USP4: variants seen among roughly 807,000 people sequenced by gnomAD.
USP4 encodes the protein ubiquitin specific peptidase 4.
In USP4, 72 loss-of-function variants were observed where a neutral mutation model predicts 118.2. The ratio of observed to expected loss-of-function variants is 0.61; its 90% confidence interval spans 0.50 to 0.74. USP4 has a LOEUF of 0.74. USP4 is among the 30% of genes least tolerant of loss of function. The pLI, the probability that USP4 is intolerant of heterozygous loss-of-function variation, is 0.00. For missense variants in USP4, 1,037 were observed against 1,185.7 expected (o/e 0.87, Z 1.84); for synonymous variants, 415 against 440.4 (o/e 0.94, Z 0.72).
At chr3:49,286,009 G>A (rs1174071003) in intron 16 of USP4, 89 bp downstream of exon 16, 13 of 1,257,662 alleles carry the variant, frequency 1.0e-5, no homozygotes, top group Admixed American at 1.9e-5. Context: ...GACTGTGAAA[G>A]CCCAATGCAG....
intron 4 of USP4, 57 bp from the exon 5 acceptor site, chr3:49,325,096 G>C (rs2047538679): frequency 2.5e-6 from 4 of 1,582,528 alleles, no homozygotes; most frequent in Non-Finnish European, 3.4e-6. Flanking sequence ...GCTAAAGACA[G>C]CCATGGCAAA....
chr3:49,325,340 C>A (rs987376325), intron 4 of USP4, among the ~76,000 whole-genome samples: 3 of 151,950 alleles, frequency 2.0e-5, no homozygotes, highest in Non-Finnish European at 4.4e-5. Context: ...GCTAGCTCCA[C>A]CATTTTCTGG....
At chr3:49,301,437 C>T (rs1224776696) in intron 10 of USP4, among the ~76,000 whole-genome samples, 1 of 152,060 alleles carries the variant, frequency 6.6e-6, no homozygotes, top group Non-Finnish European at 1.5e-5. Flanking sequence ...CCTGAAATCC[C>T]AGCACTTTGG....
chr3:49,314,767 G>C (rs1021251913), intron 6 of USP4, among the ~76,000 whole-genome samples: 8 of 152,172 alleles, frequency 5.3e-5, no homozygotes, highest in African/African-American at 1.9e-4. Flanking sequence ...GCTCATGCCT[G>C]TAATCTTAGC....
intron 9 of USP4, among the ~76,000 whole-genome samples, chr3:49,304,910 C>T (rs113506393): frequency 1.3e-5 from 2 of 151,770 alleles, no homozygotes; most frequent in Non-Finnish European, 2.9e-5. Flanking sequence ...ATTACAGGTG[C>T]GCACCACCAC....
intron 8 of USP4, 136 bp downstream of exon 8, chr3:49,310,484 C>T (rs2047372106): frequency 1.3e-6 from 1 of 754,594 alleles, no homozygotes; most frequent in African/African-American, 1.7e-5. Context: ...TGGGAGATGC[C>T]CTAGCAGAGA....
In USP4 at chr3:49,290,715, G is replaced by A. The variant is rs543706488; in HGVS notation, c.1972+1795C>T. Among the ~76,000 whole-genome samples, 7 of 152,242 alleles carry A rather than the reference G, an allele frequency of 4.6e-5. No individual in the cohort carries two copies. In the South Asian group the frequency reaches 1.2e-3, roughly 27 times the overall value. ...TTTTTAGTAGAGACAGGGTTTCACCGTGTTGGCCAGGCTAGTCTCGAACTC... is the reference window on the plus strand; with the variant it reads ...TTTTTAGTAGAGACAGGGTTTCACCATGTTGGCCAGGCTAGTCTCGAACTC... On this transcript the variant is annotated intron_variant, in intron 15 of 21. Transcript: ENST00000265560.
chr3:49,311,799 A>C, intron 6 of USP4, 145 bp from the exon 7 acceptor site: 1 of 1,374,326 alleles, frequency 7.3e-7, no homozygotes, highest in Non-Finnish European at 9.4e-7. Flanking sequence ...TACTACTTCA[A>C]GGTAAACTTT....
intron 17 of USP4, 26 bp downstream of exon 17, chr3:49,284,822 AC>A: frequency 6.2e-7 from 1 of 1,608,728 alleles, no homozygotes; most frequent in East Asian, 2.2e-5. Flanking sequence ...AGCAGACACC[AC>A]CGACCACGAA....
chr3:49,283,705 G>T (rs1559464021), intron 19 of USP4, among the ~76,000 whole-genome samples: 1 of 152,170 alleles, frequency 6.6e-6, no homozygotes, highest in Non-Finnish European at 1.5e-5. Flanking sequence ...GGACAGGAAG[G>T]CCAGTTAGGT....
chr3:49,326,303 C>G (rs1262172795), intron 3 of USP4, among the ~76,000 whole-genome samples: 3 of 151,814 alleles, frequency 2.0e-5, no homozygotes, highest in Non-Finnish European at 4.4e-5. Flanking sequence ...GGCGACAGAG[C>G]GAGACTCTGT....
intron 9 of USP4, 72 bp downstream of exon 9, chr3:49,305,643 T>G (rs1175974874): frequency 7.2e-7 from 1 of 1,379,490 alleles, no homozygotes; most frequent in Non-Finnish European, 9.6e-7. Context: ...AAACCTGAAG[T>G]CCCGAAACAT....
chr3:49,281,489 TATACACACAC>T (rs1404581124), intron 19 of USP4, among the ~76,000 whole-genome samples: 8 of 109,082 alleles, frequency 7.3e-5, no homozygotes, highest in African/African-American at 6.7e-5. Context: ...TATATATATA[TATACACACAC>T]ACACACACAC....
chr3:49,290,969 C>A (rs1373574055), intron 15 of USP4, among the ~76,000 whole-genome samples: 1 of 151,792 alleles, frequency 6.6e-6, no homozygotes, highest in Non-Finnish European at 1.5e-5. Flanking sequence ...ATAATCAAGA[C>A]CCTACGCTTT....
chr3:49,283,536 G>C (rs907455484), intron 19 of USP4, among the ~76,000 whole-genome samples: 1 of 152,110 alleles, frequency 6.6e-6, no homozygotes. Flanking sequence ...TGAGTAGACA[G>C]CCAGTCCCAA....
At chr3:49,322,570 C>T (rs1242419873) in intron 6 of USP4, among the ~76,000 whole-genome samples, 1 of 152,044 alleles carries the variant, frequency 6.6e-6, no homozygotes, top group Non-Finnish European at 1.5e-5. Context: ...CTTTGCAACT[C>T]TAGATATACG....
chr3:49,280,884 T>G (rs1272750546), intron 19 of USP4, 37 bp from the exon 20 acceptor site: 1 of 1,587,526 alleles, frequency 6.3e-7, no homozygotes, highest in Non-Finnish European at 8.6e-7. Context: ...TTGAATATGT[T>G]AAACCCAAAC....
Position 49,284,095 on chromosome 3 carries a change from T to A in USP4, c.2432A>T (p.Lys811Met). ...CTTGGGCAAGGACCATAGGTCAAAC[T>A]TTTTTGTGGCCTGTTGATGCTTCTT... is the stretch of plus-strand genomic sequence containing the variant. Reference protein sequence around the residue: ...NCKKHQQATKKFDLWSLPKIL... With the variant: ...NCKKHQQATKMFDLWSLPKIL... Residue 811 changes from lysine to methionine, a missense_variant, in exon 19 of 22, where the codon AAG becomes ATG. Physicochemically the swap from Lys to Met is moderately conservative, Grantham distance 95 (BLOSUM62 -1). Transcript: ENST00000265560. 1 of 1,614,240 alleles carries A rather than the reference T, an allele frequency of 6.2e-7. No individual in the cohort carries two copies. Among genetic ancestry groups the A allele is most frequent in the Non-Finnish European group, 8.5e-7 (1 of 1,180,046 alleles).
chr3:49,294,577 G>A lies in USP4; in HGVS notation c.1713C>T (p.Ser571=), dbSNP rs754284337. 11 of 1,613,880 alleles carry A rather than the reference G, an allele frequency of 6.8e-6. No homozygotes were observed. The highest frequency in any genetic ancestry group is 6.7e-5 in the Admixed American group (4 of 59,962). The change falls in exon 14 of 22, where the codon TCC becomes TCT. Residue 571 remains serine, a synonymous_variant. Transcript: ENST00000265560. ...GCGTGACACATTCCGAGCCATCCACGGAAGTGCTGCAGACCTCGTACCTGC... is the reference window on the plus strand; with the variant it reads ...GCGTGACACATTCCGAGCCATCCACAGAAGTGCTGCAGACCTCGTACCTGC... ...DIFVYEVCST[S]VDGSECVTLP...
Sources: allele counts gnomAD v4.1 joint callset (sites outside exome capture counted in the v4.1 genomes callset), GRCh38; gene constraint gnomAD v4.1.1; transcripts MANE v1.5; gene names NCBI Gene and HGNC (gene_info 2026-07-23, HGNC 2026-07-21).